Variants in PARVG observed in about 807,000 individuals in gnomAD.
PARVG encodes parvin gamma.
In PARVG, 36 loss-of-function variants were observed where a neutral mutation model predicts 44.4. The observed-to-expected ratio is 0.81, with a 90% CI of 0.62 to 1.07. PARVG has a LOEUF of 1.07. PARVG is among the 50% of genes least tolerant of loss of function. The probability of loss-of-function intolerance (pLI) is 0.00; values close to 1 mark genes in which losing one functional copy is unlikely to be tolerated. For missense variants in PARVG, 407 were observed against 407.4 expected (o/e 1.00, Z 0.01); for synonymous variants, 170 against 174.1 (o/e 0.98, Z 0.19).
intron 1 of PARVG, chr22:44,181,418 G>C: frequency 1.0e-6 from 1 of 984,790 alleles, no homozygotes; most frequent in Middle Eastern, 5.2e-4. Context: ...CCTGGCCCGG[G>C]GCGGGGTGTG....
chr22:44,201,139 C>T (rs774906356), intron 12 of PARVG, among the ~76,000 whole-genome samples: 1 of 152,166 alleles, frequency 6.6e-6, no homozygotes, highest in Non-Finnish European at 1.5e-5. Context: ...CACCTGCTTC[C>T]CTGGGCGGGC....
At chr22:44,190,209 G>A (rs558221429) in intron 6 of PARVG, among the ~76,000 whole-genome samples, 1 of 152,226 alleles carries the variant, frequency 6.6e-6, no homozygotes, top group Non-Finnish European at 1.5e-5. Flanking sequence ...CCTGAATTAA[G>A]TCACATGCAG....
chr22:44,192,921 T>C (rs1019592498), intron 8 of PARVG, among the ~76,000 whole-genome samples: 13 of 152,358 alleles, frequency 8.5e-5, no homozygotes, highest in Non-Finnish European at 1.8e-4. Flanking sequence ...CCACCGTTGC[T>C]GGCTTCTGTG....
At chr22:44,199,162 C>T (rs1400644739) in intron 12 of PARVG, among the ~76,000 whole-genome samples, 2 of 150,808 alleles carry the variant, frequency 1.3e-5, no homozygotes, top group African/African-American at 4.9e-5. Context: ...CCTGTCCATG[C>T]ACCTATCTTC....
At chr22:44,193,883 A>C in intron 9 of PARVG, 60 bp downstream of exon 9, 1 of 1,591,306 alleles carries the variant, frequency 6.3e-7, no homozygotes, top group Non-Finnish European at 8.6e-7. Flanking sequence ...AATGCAGACA[A>C]GTCTTAATGC....
At chr22:44,197,639 A>C (rs543941987) in intron 11 of PARVG, among the ~76,000 whole-genome samples, 1 of 152,312 alleles carries the variant, frequency 6.6e-6, no homozygotes, top group African/African-American at 2.4e-5. Context: ...GGGTCTGCTG[A>C]GAACCCTCCA....
Position 44,190,609 on chromosome 22 carries a change from C to T in PARVG, c.447C>T (p.Arg149=), listed in dbSNP as rs2054534702. ...ACCTCCTTGTGGCCCTGGCCAAGCG[C>T]TTCCAGCCCGACCTCTCCCTCCCAA... ...TLHLLVALAK[R]FQPDLSLPTN... is the part of the protein sequence containing the mutation. Residue 149 remains arginine (R), a synonymous_variant, in exon 7 of 14, where the codon CGC becomes CGT. Transcript: ENST00000444313. 1 of 1,614,226 alleles carries T rather than the reference C, an allele frequency of 6.2e-7. No homozygotes were observed. Among genetic ancestry groups the T allele is most frequent in the African/African-American group, 1.3e-5 (1 of 75,060 alleles).
chr22:44,194,618 C>CCCATCCATCACCTGTCCAT (rs2054592970), intron 9 of PARVG, among the ~76,000 whole-genome samples: 1 of 151,780 alleles, frequency 6.6e-6, no homozygotes, highest in African/African-American at 2.4e-5. Context: ...CATCCACCTA[C>CCCATCCATCACCTGTCCAT]CCATCCATCA....
chr22:44,204,647 C>T (rs536031912), intron 12 of PARVG, among the ~76,000 whole-genome samples: 3 of 152,240 alleles, frequency 2.0e-5, no homozygotes, highest in East Asian at 1.9e-4. Flanking sequence ...TGGCCCCTGG[C>T]GGGTTGCCAT....
intron 7 of PARVG, among the ~76,000 whole-genome samples, chr22:44,191,678 CG>C (rs1353532297): frequency 1.3e-5 from 2 of 152,098 alleles, no homozygotes; most frequent in African/African-American, 4.8e-5. Context: ...GGATTACAGG[CG>C]TGAGCCACCA....
At chr22:44,199,392 A>G (rs920469807) in intron 12 of PARVG, among the ~76,000 whole-genome samples, 2 of 150,426 alleles carry the variant, frequency 1.3e-5, no homozygotes, top group African/African-American at 4.9e-5. Context: ...TGATCCACCC[A>G]ATTTACCCAT....
chr22:44,206,255 C>T (rs528867162), intron 13 of PARVG, 62 bp from the exon 14 acceptor site: 31 of 1,208,948 alleles, frequency 2.6e-5, no homozygotes, highest in East Asian at 7.0e-5. Context: ...TTGACCACAT[C>T]GGGACAGTCG....
chr22:44,183,073 A>C (rs527583070), intron 2 of PARVG: 1 of 505,184 alleles, frequency 2.0e-6, no homozygotes, highest in South Asian at 2.7e-5. Context: ...TTCCTCCGCC[A>C]AGCCTTTGCT....
intron 2 of PARVG, 176 bp from the exon 3 acceptor site, chr22:44,183,142 G>T: frequency 1.8e-6 from 1 of 553,040 alleles, no homozygotes; most frequent in Non-Finnish European, 3.1e-6. Flanking sequence ...CGCAAGGGTT[G>T]GCTCAAGGGC....
chr22:44,187,912 G>T (rs753807025), intron 5 of PARVG, 34 bp downstream of exon 5: 1 of 1,608,592 alleles, frequency 6.2e-7, no homozygotes, highest in Non-Finnish European at 8.5e-7. Flanking sequence ...CCTGGGCCTC[G>T]GCCCCATCCC....
At chr22:44,193,410 G>T (rs1052408252) in intron 8 of PARVG, among the ~76,000 whole-genome samples, 2 of 152,152 alleles carry the variant, frequency 1.3e-5, no homozygotes, top group African/African-American at 2.4e-5. Context: ...GAGAACACGG[G>T]GGGTGCTGGG....
At position 44,205,856 on chromosome 22, in the gene PARVG, G is replaced by A. The variant is rs1486769571; in HGVS notation, c.886+27G>A. 3 of 1,609,272 alleles carry A rather than the reference G, an allele frequency of 1.9e-6. No homozygotes were observed. The African/African-American group carries it at 4.0e-5, about 21-fold the overall frequency. Reference sequence around the variant, plus strand: ...TGAGTGCAAGGCAGATGCCCACACGGTGGCCAGCCCTGGGTGGCAGCCTTG... The same window carrying A: ...TGAGTGCAAGGCAGATGCCCACACGATGGCCAGCCCTGGGTGGCAGCCTTG... On this transcript the variant is annotated intron_variant, in intron 13 of 13. Transcript: ENST00000444313.
chr22:44,194,471 C>T (rs1010239601), intron 9 of PARVG, among the ~76,000 whole-genome samples: 12 of 152,170 alleles, frequency 7.9e-5, no homozygotes, highest in African/African-American at 2.9e-4. Context: ...ATCTACTTAC[C>T]CACTTATCCA....
Position 44,208,207 on chromosome 22 carries a change from CTT to C in PARVG, c.*1782_*1783del, listed in dbSNP as rs2054804108. The C allele has an allele frequency of 6.6e-6, 1 of 152,214 alleles. No individual in the cohort carries two copies. The highest frequency in any genetic ancestry group is 2.1e-4 in the South Asian group (1 of 4,834). 9.4% of individuals were successfully genotyped at this position (152,214 alleles called of 1,614,324 possible). ...TTGACAGCAATTAAAAAAAAAGTGA[CTT>C]ATTTAATTACTGTAGCTTTATTGAA... On this transcript the variant is annotated 3_prime_UTR_variant, in exon 14 of 14. Transcript: ENST00000444313.
Sources: allele counts gnomAD v4.1 joint callset (sites outside exome capture counted in the v4.1 genomes callset), GRCh38; gene constraint gnomAD v4.1.1; transcripts MANE v1.5; gene names NCBI Gene and HGNC (gene_info 2026-07-23, HGNC 2026-07-21).